MTA3: variants seen among roughly 807,000 people sequenced by gnomAD.
MTA3 encodes the protein metastasis-associated protein MTA3.
A neutral mutation model predicts 83.5 loss-of-function variants in MTA3; 34 were observed. The ratio of observed to expected loss-of-function variants is 0.41; its 90% CI spans 0.31 to 0.54. The LOEUF (loss-of-function observed/expected upper bound fraction) is 0.54, where lower values mean the gene tolerates loss of function less well. Ranked by LOEUF, MTA3 falls within the 20% of genes least tolerant of loss-of-function variation. The pLI is 0.33. For missense variants in MTA3, 761 were observed against 726.4 expected, an observed-to-expected ratio of 1.05 and a Z score of -0.55; for synonymous variants, 303 against 252.7, an observed-to-expected ratio of 1.20 and a Z score of -1.89.
At chr2:42,621,966 G>T (rs1334235386) in intron 4 of MTA3, among the ~76,000 whole-genome samples, 1 of 151,732 alleles carries the variant, frequency 6.6e-6, no homozygotes, top group Non-Finnish European at 1.5e-5. Context: ...GACGATGGGC[G>T]GCCAGGCAGA....
In MTA3 at chr2:42,722,878, TC is replaced by T. The variant is rs757490003; in HGVS notation, c.1613-6del. On this transcript the variant is annotated splice_polypyrimidine_tract_variant and intron_variant, in intron 15 of 16. Transcript: ENST00000405094. ...ATGTTCTGAATTGAGAAACCTTTTT[TC>T]CCCCATCAGAGATCCATCCTGCAAA... 2 of 1,550,418 alleles carry T rather than the reference TC, an allele frequency of 1.3e-6. No homozygotes were observed. The highest frequency in any genetic ancestry group is 1.4e-5 in the African/African-American group (1 of 72,912).
chr2:42,624,144 A>G (rs987645770), intron 4 of MTA3, among the ~76,000 whole-genome samples: 4 of 152,132 alleles, frequency 2.6e-5, no homozygotes, highest in African/African-American at 7.2e-5. Context: ...CTGGAAGTCA[A>G]TTATTGCCTA....
chr2:42,689,211 A>G (rs1347150934), intron 9 of MTA3, among the ~76,000 whole-genome samples: 2 of 152,200 alleles, frequency 1.3e-5, no homozygotes, highest in East Asian at 1.9e-4. Context: ...TTGTTTTAAT[A>G]CAGTGCTGAA....
Position 42,657,051 on chromosome 2 carries a change from A to T in MTA3, c.602+749A>T, listed in dbSNP as rs548210673. Among the ~76,000 whole-genome samples, 5 of 152,336 alleles carry T rather than the reference A, an allele frequency of 3.3e-5. No individual in the cohort carries two copies. The East Asian group carries it at 9.6e-4, about 29-fold the overall frequency. ...ATTTTATTAGTGGATTTTTAAATAC[A>T]TTAAATGGGTATATATAGTATATAT... On this transcript the variant is annotated intron_variant, in intron 7 of 16. Coordinates refer to ENST00000405094, the MANE Select transcript of MTA3 (RefSeq NM_001330442.2).
chr2:42,707,900 T>C lies in MTA3; in HGVS notation c.1151-3T>C, dbSNP rs554850293. ...GTTTTTTCTTATTTTTCTTCTGCTT[T>C]AGCTACACAGTCTCACCAGTGGTAT... On this transcript the variant is annotated splice_polypyrimidine_tract_variant and splice_region_variant and intron_variant, in intron 12 of 16. Coordinates refer to ENST00000405094, the MANE Select transcript of MTA3 (RefSeq NM_001330442.2). 2.6e-6 allele frequency: 4 copies of C among 1,542,502 alleles called. No individual in the cohort carries two copies. The highest frequency in any genetic ancestry group is 3.5e-4 in the Middle Eastern group (2 of 5,748).
chr2:42,630,873 A>G (rs965369441), intron 4 of MTA3, among the ~76,000 whole-genome samples: 1 of 152,196 alleles, frequency 6.6e-6, no homozygotes. Flanking sequence ...AATTTAATTT[A>G]TGTCTATTGA....
At chr2:42,531,534 C>T in intron 2 of MTA3, among the ~76,000 whole-genome samples, 1 of 145,460 alleles carries the variant, frequency 6.9e-6, no homozygotes. Flanking sequence ...CTCACCGCAA[C>T]CTCTGCCTCC....
chr2:42,664,468 T>C (rs1244795817), intron 8 of MTA3, among the ~76,000 whole-genome samples: 1 of 33,542 alleles, frequency 3.0e-5, no homozygotes, highest in Non-Finnish European at 5.3e-5. Flanking sequence ...CCGCTTACCT[T>C]TTTTTTTTTT....
At chr2:42,604,058 TGAAACA>T (rs1682928746) in intron 3 of MTA3, among the ~76,000 whole-genome samples, 1 of 151,348 alleles carries the variant, frequency 6.6e-6, no homozygotes, top group African/African-American at 2.4e-5. Flanking sequence ...TCTTTGTTTT[TGAAACA>T]GAGTTTTGCT....
chr2:42,643,507 A>G (rs1687890507), intron 5 of MTA3, among the ~76,000 whole-genome samples: 1 of 152,206 alleles, frequency 6.6e-6, no homozygotes, highest in African/African-American at 2.4e-5. Flanking sequence ...GAGCATGTAT[A>G]TAGCTATGTT....
intron 4 of MTA3, among the ~76,000 whole-genome samples, chr2:42,621,580 T>A (rs930749908): frequency 9.2e-5 from 14 of 152,210 alleles, no homozygotes; most frequent in African/African-American, 3.4e-4. Context: ...TTCCCCACAT[T>A]TCCCCCTTTT....
At chr2:42,573,372 G>A (rs1394896685) in intron 2 of MTA3, among the ~76,000 whole-genome samples, 4 of 152,252 alleles carry the variant, frequency 2.6e-5, no homozygotes, top group African/African-American at 9.6e-5. Context: ...GGGAGACAGG[G>A]TCTCACTCTG....
At chr2:42,613,065 GT>G (rs1684421478) in intron 4 of MTA3, among the ~76,000 whole-genome samples, 1 of 152,138 alleles carries the variant, frequency 6.6e-6, no homozygotes, top group Non-Finnish European at 1.5e-5. Flanking sequence ...GGAAAAACTA[GT>G]GATGTGTTTT....
At chr2:42,695,186 A>G (rs997926628) in intron 9 of MTA3, among the ~76,000 whole-genome samples, 2 of 152,144 alleles carry the variant, frequency 1.3e-5, no homozygotes, top group African/African-American at 4.8e-5. Flanking sequence ...AGTAAAATGT[A>G]TAAACGGAAT....
intron 2 of MTA3, among the ~76,000 whole-genome samples, chr2:42,507,747 A>G (rs1396784851): frequency 6.6e-6 from 1 of 151,704 alleles, no homozygotes; most frequent in Non-Finnish European, 1.5e-5. Context: ...TGAGCAATAT[A>G]GTGAGACCCC....
intron 12 of MTA3, among the ~76,000 whole-genome samples, chr2:42,706,365 A>G (rs1286538419): frequency 2.0e-5 from 3 of 152,354 alleles, no homozygotes; most frequent in African/African-American, 7.2e-5. Context: ...TAAAATAGTT[A>G]TTTGTATAAA....
At chr2:42,748,741 C>A (rs1181224554) in intron 16 of MTA3, among the ~76,000 whole-genome samples, 1 of 152,162 alleles carries the variant, frequency 6.6e-6, no homozygotes, top group Non-Finnish European at 1.5e-5. Flanking sequence ...CTGCGCCCAG[C>A]CAGTCCAATC....
At chr2:42,691,547 T>G (rs1434259453) in intron 9 of MTA3, among the ~76,000 whole-genome samples, 1 of 152,230 alleles carries the variant, frequency 6.6e-6, no homozygotes, top group Non-Finnish European at 1.5e-5. Flanking sequence ...AAGTGTAGTT[T>G]ACATACCACA....
chr2:42,750,396 AG>A (rs1488828153), intron 16 of MTA3, among the ~76,000 whole-genome samples: 1 of 107,846 alleles, frequency 9.3e-6, no homozygotes, highest in Non-Finnish European at 1.8e-5. Flanking sequence ...CTGCTGTTAG[AG>A]GGTCTTTGTT....
Sources: allele counts gnomAD v4.1 joint callset (sites outside exome capture counted in the v4.1 genomes callset), GRCh38; gene constraint gnomAD v4.1.1; transcripts MANE v1.5; gene names NCBI Gene and HGNC (gene_info 2026-07-23, HGNC 2026-07-21).